The following DLGAP5 variants were observed in gnomAD, a reference collection of about 807,000 sequenced individuals.
The protein encoded by DLGAP5 is disks large-associated protein 5.
DLGAP5 carries 90 observed loss-of-function variants against 99.6 expected under a neutral mutation model. The ratio of observed to expected loss-of-function variants is 0.90; its 90% confidence interval spans 0.76 to 1.08. The LOEUF (loss-of-function observed/expected upper bound fraction) is 1.08, where lower values mean the gene tolerates loss of function less well. Ranked by LOEUF, DLGAP5 falls within the 50% of genes least tolerant of loss-of-function variation. The probability of loss-of-function intolerance (pLI) is 0.00; values close to 1 mark genes in which losing one functional copy is unlikely to be tolerated. For missense variants in DLGAP5, 1,036 were observed against 983.5 expected (o/e 1.05, Z -0.71); for synonymous variants, 311 against 321.3 (o/e 0.97, Z 0.34).
At chr14:55,181,589 A>G (rs906551784) in intron 4 of DLGAP5, among the ~76,000 whole-genome samples, 5 of 152,222 alleles carry the variant, frequency 3.3e-5, no homozygotes, top group African/African-American at 1.2e-4. Context: ...ACTCCTAGAC[A>G]TACTTTCACT....
intron 14 of DLGAP5, 121 bp from the exon 15 acceptor site, chr14:55,154,927 G>C (rs1405979983): frequency 2.4e-6 from 2 of 830,816 alleles, no homozygotes; most frequent in African/African-American, 3.5e-5. Flanking sequence ...GTCTGTTAAA[G>C]ACAAATGCCT....
chr14:55,155,048 A>G (rs942748610), intron 14 of DLGAP5, among the ~76,000 whole-genome samples: 2 of 152,182 alleles, frequency 1.3e-5, no homozygotes, highest in Non-Finnish European at 2.9e-5. Context: ...GTTGAGACAG[A>G]GTCTTACACT....
chr14:55,173,446 T>G (rs1318714125), intron 10 of DLGAP5, among the ~76,000 whole-genome samples: 1 of 151,874 alleles, frequency 6.6e-6, no homozygotes, highest in Non-Finnish European at 1.5e-5. Flanking sequence ...AAGAAAGAAA[T>G]GAAGTCACTC....
intron 14 of DLGAP5, among the ~76,000 whole-genome samples, chr14:55,155,910 A>T (rs1566494725): frequency 6.6e-6 from 1 of 151,508 alleles, no homozygotes; most frequent in South Asian, 2.1e-4. Context: ...AACATGGTAA[A>T]ACCCCGTCTC....
At chr14:55,182,024 CTA>C (rs1479400446) in intron 4 of DLGAP5, among the ~76,000 whole-genome samples, 1 of 152,186 alleles carries the variant, frequency 6.6e-6, no homozygotes, top group African/African-American at 2.4e-5. Context: ...CCTGATATCT[CTA>C]TTACAGTATT....
chr14:55,176,429 G>A (rs1248528912), intron 8 of DLGAP5, among the ~76,000 whole-genome samples: 1 of 152,164 alleles, frequency 6.6e-6, no homozygotes, highest in Non-Finnish European at 1.5e-5. Flanking sequence ...AGAAGAAAAT[G>A]AGGAAAAAGT....
At chr14:55,190,601 C>T (rs1312981102) in intron 1 of DLGAP5, among the ~76,000 whole-genome samples, 1 of 152,142 alleles carries the variant, frequency 6.6e-6, no homozygotes, top group Non-Finnish European at 1.5e-5. Context: ...ATGGTATATT[C>T]TTCAACAAGA....
At chr14:55,149,881 A>G (rs1403132519) in intron 18 of DLGAP5, among the ~76,000 whole-genome samples, 1 of 151,516 alleles carries the variant, frequency 6.6e-6, no homozygotes, top group Non-Finnish European at 1.5e-5. Flanking sequence ...GAAACCCCGC[A>G]TCTCTACTAA....
At chr14:55,177,484 A>C in intron 7 of DLGAP5, 148 bp from the exon 8 acceptor site, 1 of 638,832 alleles carries the variant, frequency 1.6e-6, no homozygotes, top group Non-Finnish European at 2.4e-6. Flanking sequence ...TTAAGTGTAT[A>C]CATGGAATCA....
intron 2 of DLGAP5, among the ~76,000 whole-genome samples, chr14:55,184,659 C>G (rs1883376123): frequency 6.6e-6 from 1 of 152,108 alleles, no homozygotes; most frequent in South Asian, 2.1e-4. Context: ...CTGGGAGAAG[C>G]CAGGTGCCAT....
intron 8 of DLGAP5, 105 bp from the exon 9 acceptor site, chr14:55,176,123 T>C: frequency 3.8e-6 from 4 of 1,043,364 alleles, no homozygotes; most frequent in Non-Finnish European, 5.3e-6. Flanking sequence ...AAAATAGAAA[T>C]GTTTCTATTT....
At chr14:55,167,076 G>A (rs1314729735) in intron 12 of DLGAP5, among the ~76,000 whole-genome samples, 1 of 151,426 alleles carries the variant, frequency 6.6e-6, no homozygotes, top group African/African-American at 2.4e-5. Flanking sequence ...CCAACATGGC[G>A]AACCCCATCT....
At chr14:55,168,777 C>T (rs971702538) in intron 12 of DLGAP5, among the ~76,000 whole-genome samples, 3 of 152,212 alleles carry the variant, frequency 2.0e-5, no homozygotes, top group Admixed American at 2.0e-4. Flanking sequence ...AACTCAGTAA[C>T]TGTTAGCTGA....
At chr14:55,184,213 C>T (rs931085438) in intron 2 of DLGAP5, among the ~76,000 whole-genome samples, 1 of 152,074 alleles carries the variant, frequency 6.6e-6, no homozygotes, top group Admixed American at 6.5e-5. Flanking sequence ...GTCCCATCTA[C>T]TGGGAAGGCT....
chr14:55,162,211 T>C (rs1474126864), intron 13 of DLGAP5, among the ~76,000 whole-genome samples: 2 of 152,210 alleles, frequency 1.3e-5, no homozygotes, highest in East Asian at 3.8e-4. Flanking sequence ...ATACGACTGT[T>C]GTAAGGATTA....
intron 14 of DLGAP5, among the ~76,000 whole-genome samples, chr14:55,157,921 C>T (rs1882269600): frequency 6.6e-6 from 1 of 152,142 alleles, no homozygotes; most frequent in South Asian, 2.1e-4. Flanking sequence ...TACTGCCAGG[C>T]TCGGTTAATA....
intron 3 of DLGAP5, 124 bp downstream of exon 3, chr14:55,183,436 G>A (rs1883334448): frequency 3.9e-6 from 3 of 760,078 alleles, no homozygotes; most frequent in East Asian, 6.4e-5. Flanking sequence ...CTACTATTAT[G>A]TCATTCCCAC....
chr14:55,152,677 C>G, intron 15 of DLGAP5, 30 bp from the exon 16 acceptor site: 1 of 1,548,368 alleles, frequency 6.5e-7, no homozygotes. Context: ...GCATTACACT[C>G]ATAAACATAT....
At chr14:55,151,585 T>G (rs1882020255) in intron 17 of DLGAP5, 110 bp downstream of exon 17, 2 of 1,183,420 alleles carry the variant, frequency 1.7e-6, no homozygotes, top group Admixed American at 5.6e-5. Context: ...CAATGAAGGA[T>G]CCTCAATAGT....
Sources: gnomAD v4.1 joint callset for allele counts (sites outside exome capture counted in the v4.1 genomes callset) on GRCh38, gnomAD v4.1.1 for gene constraint, MANE v1.5 for transcripts, NCBI Gene and HGNC (gene_info 2026-07-23, HGNC 2026-07-21) for gene names.